Variants in PRLR observed in about 807,000 individuals in gnomAD.
PRLR encodes prolactin receptor, also known as hPRL receptor.
A neutral mutation model predicts 40.2 loss-of-function variants in PRLR; 13 were observed. That is an observed-to-expected ratio of 0.32 (90% CI 0.21 to 0.51). PRLR has a LOEUF of 0.51. Ranked by LOEUF, PRLR falls within the 20% of genes least tolerant of loss-of-function variation. The pLI is 0.97. For synonymous variants in PRLR, 269 were observed against 278.7 expected, an observed-to-expected ratio of 0.97 and a Z score of 0.35; for missense variants, 656 against 747.3, an observed-to-expected ratio of 0.88 and a Z score of 1.42.
intron 1 of PRLR, among the ~76,000 whole-genome samples, chr5:35,203,195 C>T (rs185808705): frequency 1.7e-4 from 26 of 152,288 alleles, no homozygotes; most frequent in African/African-American, 6.3e-4. Flanking sequence ...TGTTTGAGAA[C>T]AATTCTTTCA....
chr5:35,095,659 A>T (rs1426916394), intron 2 of PRLR, among the ~76,000 whole-genome samples: 5 of 152,210 alleles, frequency 3.3e-5, no homozygotes, highest in African/African-American at 1.2e-4. Context: ...TTTGTCTGTG[A>T]AAGTTCACAA....
At chr5:35,107,597 C>T (rs1772352077) in intron 2 of PRLR, among the ~76,000 whole-genome samples, 2 of 152,104 alleles carry the variant, frequency 1.3e-5, no homozygotes, top group African/African-American at 4.8e-5. Flanking sequence ...ACTATAAAAA[C>T]CTCTATGCAA....
intron 1 of PRLR, among the ~76,000 whole-genome samples, chr5:35,190,476 G>A (rs1331822978): frequency 6.6e-6 from 1 of 152,052 alleles, no homozygotes; most frequent in South Asian, 2.1e-4. Context: ...ATAGTGGCAG[G>A]TGCCTGTAAT....
intron 1 of PRLR, among the ~76,000 whole-genome samples, chr5:35,153,568 G>C (rs1192082487): frequency 6.6e-6 from 1 of 152,182 alleles, no homozygotes; most frequent in African/African-American, 2.4e-5. Context: ...CAAGCAAATA[G>C]AGGAAGTGAT....
rs1455582228 is a variant in PRLR at position 35,068,069 on chromosome 5, G to C, written c.855+147C>G. 8.7e-6 allele frequency: 6 copies of C among 693,504 alleles called. No homozygotes were observed. The African/African-American group carries it at 1.1e-4, about 12-fold the overall frequency. The allele number at this position is 693,504 out of a possible 1,614,324, so 43.0% of individuals were successfully genotyped here. ...ACCCTCATCCTTCACACAACTTTCTGTTAACACACATGCTGACCAGGAGAG... is the reference window on the plus strand; with the variant it reads ...ACCCTCATCCTTCACACAACTTTCTCTTAACACACATGCTGACCAGGAGAG... On this transcript the variant is annotated intron_variant, in intron 9 of 9. Coordinates refer to ENST00000618457, the MANE Select transcript of PRLR (RefSeq NM_000949.7).
intron 1 of PRLR, among the ~76,000 whole-genome samples, chr5:35,217,169 A>G (rs537088647): frequency 1.3e-5 from 2 of 152,318 alleles, no homozygotes; most frequent in Admixed American, 1.3e-4. Flanking sequence ...AGACAAATGC[A>G]GAGAGGAACT....
intron 1 of PRLR, among the ~76,000 whole-genome samples, chr5:35,135,973 A>G (rs1773846979): frequency 6.6e-6 from 1 of 152,232 alleles, no homozygotes; most frequent in Admixed American, 6.5e-5. Context: ...CGGAATTCGA[A>G]CTGGGAAATA....
intron 1 of PRLR, among the ~76,000 whole-genome samples, chr5:35,172,556 T>C (rs996901220): frequency 6.6e-6 from 1 of 152,198 alleles, no homozygotes; most frequent in Non-Finnish European, 1.5e-5. Flanking sequence ...TCTGGAACCG[T>C]ACAGTTGCTA....
chr5:35,224,869 A>G (rs1483798849), intron 1 of PRLR, among the ~76,000 whole-genome samples: 1 of 152,116 alleles, frequency 6.6e-6, no homozygotes, highest in Admixed American at 6.5e-5. Flanking sequence ...CTGCAGGAAA[A>G]AAATTATATC....
chr5:35,205,159 T>C (rs527920510), intron 1 of PRLR, among the ~76,000 whole-genome samples: 171 of 152,006 alleles, frequency 1.1e-3, no homozygotes, highest in Non-Finnish European at 2.2e-3. Flanking sequence ...GTAATATATA[T>C]ATAAAATATA....
At chr5:35,209,490 C>A (rs935452358) in intron 1 of PRLR, among the ~76,000 whole-genome samples, 1 of 152,166 alleles carries the variant, frequency 6.6e-6, no homozygotes, top group African/African-American at 2.4e-5. Flanking sequence ...TTAAGACCCA[C>A]TGTTCAGAAC....
intron 1 of PRLR, among the ~76,000 whole-genome samples, chr5:35,200,203 AT>A (rs1415215226): frequency 1.3e-5 from 2 of 152,210 alleles, no homozygotes; most frequent in African/African-American, 4.8e-5. Context: ...TAGAAATAAT[AT>A]AGTTAACACG....
At chr5:35,228,232 CA>C (rs55934270) in intron 1 of PRLR, among the ~76,000 whole-genome samples, 3,781 of 87,216 alleles carry the variant, frequency 0.043, 78 homozygotes, top group African/African-American at 0.12. Context: ...AACAACCATG[CA>C]AAAAAAAAAA....
At chr5:35,214,333 G>A (rs1026540104) in intron 1 of PRLR, among the ~76,000 whole-genome samples, 5 of 152,344 alleles carry the variant, frequency 3.3e-5, no homozygotes, top group South Asian at 2.1e-4. Context: ...TGTGCCATTT[G>A]TGGGTGAATG....
rs553898811 is a variant in PRLR at position 35,195,943 on chromosome 5, CA to C, written c.-106+34324del. 1.0e-3 allele frequency among the ~76,000 whole-genome samples: 159 copies of C among 151,604 alleles called. 1 individual carries two copies. The highest frequency in any genetic ancestry group is 6.0e-3 in the Admixed American group (92 of 15,230). On this transcript the variant is annotated intron_variant, in intron 1 of 9. Coordinates refer to ENST00000618457, the MANE Select transcript of PRLR (RefSeq NM_000949.7). Reference sequence around the variant, plus strand: ...GCCTCAGTCTTTAACAGGCTCTAAGCAAAAAAATGAAAACGATTTTGAATAA... The same window carrying C: ...GCCTCAGTCTTTAACAGGCTCTAAGCAAAAAATGAAAACGATTTTGAATAA...
chr5:35,221,238 A>G (rs1474045083), intron 1 of PRLR, among the ~76,000 whole-genome samples: 2 of 152,240 alleles, frequency 1.3e-5, no homozygotes, highest in Non-Finnish European at 2.9e-5. Flanking sequence ...GGCTGAGACA[A>G]GAAAGCAAGT....
chr5:35,180,540 C>T (rs1398291736), intron 1 of PRLR, among the ~76,000 whole-genome samples: 2 of 152,228 alleles, frequency 1.3e-5, no homozygotes, highest in South Asian at 2.1e-4. Context: ...TCCTGTATAG[C>T]CTGCAGAACC....
intron 2 of PRLR, among the ~76,000 whole-genome samples, chr5:35,106,874 ACCTAATAGACATTTACAGAACTC>A (rs1772292993): frequency 6.6e-6 from 1 of 152,222 alleles, no homozygotes; most frequent in African/African-American, 2.4e-5. Flanking sequence ...CACCAAGTGG[ACCTAATAGACATTTACAGAACTC>A]TCCACCCCAA....
At chr5:35,217,618 G>A (rs1776315693) in intron 1 of PRLR, among the ~76,000 whole-genome samples, 1 of 151,978 alleles carries the variant, frequency 6.6e-6, no homozygotes, top group Admixed American at 6.6e-5. Context: ...TAATATATAT[G>A]GTATATTTTT....
Sources: gnomAD v4.1 joint callset for allele counts (sites outside exome capture counted in the v4.1 genomes callset) on GRCh38, gnomAD v4.1.1 for gene constraint, MANE v1.5 for transcripts, NCBI Gene and HGNC (gene_info 2026-07-23, HGNC 2026-07-21) for gene names.